Variants in CUX1 observed in about 807,000 individuals in gnomAD.
CUX1 encodes the protein protein CASP.
CUX1 carries 31 observed loss-of-function variants against 158.8 expected under a neutral mutation model. The ratio of observed to expected loss-of-function variants is 0.20; its 90% CI spans 0.15 to 0.26. The LOEUF (loss-of-function observed/expected upper bound fraction) is 0.26, where lower values mean the gene tolerates loss of function less well. Ranked by LOEUF, CUX1 falls within the 10% of genes least tolerant of loss-of-function variation. CUX1 has a pLI of 1.00. For missense variants in CUX1, 1,589 were observed against 2,014.6 expected (o/e 0.79, Z 4.04); for synonymous variants, 879 against 862.1 (o/e 1.02, Z -0.34).
intron 1 of CUX1, among the ~76,000 whole-genome samples, chr7:101,903,997 A>G (rs572297443): frequency 3.5e-4 from 53 of 152,224 alleles, no homozygotes; most frequent in African/African-American, 1.2e-3. Context: ...CACTTGGTCT[A>G]AAATCAAAAT....
rs1801260226 is a variant in CUX1 at position 102,249,559 on chromosome 7, C to T, written c.*517C>T. 1.0e-6 allele frequency: 1 copy of T among 985,564 alleles called. No homozygotes were observed. Among genetic ancestry groups the T allele is most frequent in the Non-Finnish European group, 1.2e-6 (1 of 829,912 alleles). The allele number at this position is 985,564 out of a possible 1,614,324, so 61.1% of individuals were successfully genotyped here. On this transcript the variant is annotated 3_prime_UTR_variant, in exon 24 of 24. Coordinates refer to ENST00000292535, the MANE Select transcript of CUX1 (RefSeq NM_181552.4). ...AGCTTTGCCTTGTGTCCTCCTGTTC[C>T]GTGTGGGCTTTAAAAGAAAAAAAAT...
chr7:101,989,308 C>G (rs1814779133), intron 2 of CUX1, among the ~76,000 whole-genome samples: 1 of 152,244 alleles, frequency 6.6e-6, no homozygotes, highest in Non-Finnish European at 1.5e-5. Flanking sequence ...GATGTCTGCG[C>G]CGACCAGTGA....
intron 3 of CUX1, among the ~76,000 whole-genome samples, chr7:102,029,831 C>A (rs192831263): frequency 5.9e-4 from 90 of 152,218 alleles, no homozygotes; most frequent in African/African-American, 2.1e-3. Flanking sequence ...CTGACACCTA[C>A]CCACATTTGA....
At chr7:101,940,747 C>T (rs2001895885) in intron 2 of CUX1, among the ~76,000 whole-genome samples, 1 of 152,146 alleles carries the variant, frequency 6.6e-6, no homozygotes, top group African/African-American at 2.4e-5. Flanking sequence ...GATCAGTCCA[C>T]ATCTGTTGCT....
chr7:101,890,801 C>T (rs1019971839), intron 1 of CUX1, among the ~76,000 whole-genome samples: 6 of 152,150 alleles, frequency 3.9e-5, no homozygotes, highest in African/African-American at 7.2e-5. Context: ...TCGAACTCTT[C>T]CAGGCTGTGG....
chr7:102,021,009 C>A lies in CUX1; in HGVS notation c.142-7089C>A, dbSNP rs188136800. Among the ~76,000 whole-genome samples the A allele has an allele frequency of 1.6e-4, 25 of 152,256 alleles. 1 individual carries two copies. The East Asian group carries it at 4.0e-3, about 25-fold the overall frequency. On this transcript the variant is annotated intron_variant, in intron 2 of 23. Transcript: ENST00000292535. ...GTGACAACAGGCCAAGCCACAGGGC[C>A]AGGTCCCTAAGGGTCCCCACCTCTA...
chr7:101,838,732 G>T (rs959811303), intron 1 of CUX1, among the ~76,000 whole-genome samples: 6 of 151,956 alleles, frequency 3.9e-5, no homozygotes, highest in Non-Finnish European at 7.4e-5. Context: ...GAACCTGGGA[G>T]GTAGAGGTTG....
At chr7:102,273,695 C>T (rs1391264993) in intron 15 of CUX1, among the ~76,000 whole-genome samples, 2 of 152,232 alleles carry the variant, frequency 1.3e-5, no homozygotes, top group African/African-American at 2.4e-5. Flanking sequence ...GGCCATGGGG[C>T]AGAGGCCACA....
chr7:102,017,715 C>CA (rs1387387340), intron 2 of CUX1, among the ~76,000 whole-genome samples: 1 of 151,980 alleles, frequency 6.6e-6, no homozygotes, highest in Non-Finnish European at 1.5e-5. Flanking sequence ...GGTATGGTGA[C>CA]ACACACCTGT....
At chr7:102,003,014 G>A (rs572570668) in intron 2 of CUX1, among the ~76,000 whole-genome samples, 1 of 152,172 alleles carries the variant, frequency 6.6e-6, no homozygotes, top group East Asian at 1.9e-4. Context: ...CAATTCTCCT[G>A]CCTCTGCCTC....
At chr7:102,049,828 A>G (rs1329452224) in intron 3 of CUX1, among the ~76,000 whole-genome samples, 6 of 152,134 alleles carry the variant, frequency 3.9e-5, no homozygotes, top group Non-Finnish European at 8.8e-5. Flanking sequence ...GAGCCCCTTG[A>G]TGTTTGGGGA....
intron 1 of CUX1, among the ~76,000 whole-genome samples, chr7:101,844,857 C>T (rs1162584059): frequency 6.6e-6 from 1 of 152,060 alleles, no homozygotes; most frequent in South Asian, 2.1e-4. Flanking sequence ...CTCAAGTTAT[C>T]CACCCACTTT....
At chr7:101,998,750 A>G (rs926290135) in intron 2 of CUX1, among the ~76,000 whole-genome samples, 5 of 152,228 alleles carry the variant, frequency 3.3e-5, no homozygotes, top group African/African-American at 1.2e-4. Flanking sequence ...GCCAGGGTAT[A>G]GGATCCTGGC....
intron 10 of CUX1, 113 bp from the exon 11 acceptor site, chr7:102,178,356 C>A: frequency 9.6e-7 from 1 of 1,043,008 alleles, no homozygotes; most frequent in Non-Finnish European, 1.4e-6. Flanking sequence ...ATCCTGCCAT[C>A]ACCATCCACA....
intron 5 of CUX1, among the ~76,000 whole-genome samples, chr7:102,101,586 G>T (rs1287359920): frequency 6.6e-6 from 1 of 152,174 alleles, no homozygotes; most frequent in African/African-American, 2.4e-5. Flanking sequence ...GCGTCCAAGT[G>T]CTGTACAGCC....
chr7:102,191,709 C>G (rs113718542), intron 12 of CUX1, among the ~76,000 whole-genome samples: 12,726 of 152,046 alleles, frequency 0.084, 831 homozygotes, highest in African/African-American at 0.18. Context: ...TTGTCGTCTT[C>G]GTTGTCTTCT....
chr7:101,997,716 T>C (rs1209478767), intron 2 of CUX1, among the ~76,000 whole-genome samples: 2 of 152,170 alleles, frequency 1.3e-5, no homozygotes, highest in African/African-American at 4.8e-5. Context: ...AGGCCGATGT[T>C]GTGCCCATTG....
At chr7:102,117,474 A>G (rs192156925) in intron 8 of CUX1, among the ~76,000 whole-genome samples, 359 of 149,300 alleles carry the variant, frequency 2.4e-3, no homozygotes, top group South Asian at 9.3e-3. Context: ...TAGTACCGGC[A>G]GGGTTTCCAC....
At chr7:102,066,413 A>C (rs887582066) in intron 3 of CUX1, among the ~76,000 whole-genome samples, 1 of 152,132 alleles carries the variant, frequency 6.6e-6, no homozygotes, top group Admixed American at 6.5e-5. Context: ...GGACTTCATC[A>C]TCTTTCAAGA....
Sources: allele counts gnomAD v4.1 joint callset (sites outside exome capture counted in the v4.1 genomes callset), GRCh38; gene constraint gnomAD v4.1.1; transcripts MANE v1.5; gene names NCBI Gene and HGNC (gene_info 2026-07-23, HGNC 2026-07-21).